The following GUCD1 variants were observed in gnomAD, a reference collection of about 807,000 sequenced individuals.
GUCD1 encodes protein GUCD1.
GUCD1 carries 17 observed loss-of-function variants against 28.3 expected under a neutral mutation model. The ratio of observed to expected loss-of-function variants is 0.60; its 90% CI spans 0.41 to 0.90. GUCD1 has a LOEUF of 0.90. GUCD1 is among the 40% of genes least tolerant of loss of function. The pLI is 0.00. For missense variants in GUCD1, 279 were observed against 305.5 expected, an observed-to-expected ratio of 0.91 and a Z score of 0.65; for synonymous variants, 129 against 123.3, an observed-to-expected ratio of 1.05 and a Z score of -0.30.
chr22:24,552,563 G>T (rs1244890334), intron 1 of GUCD1, among the ~76,000 whole-genome samples: 2 of 152,240 alleles, frequency 1.3e-5, no homozygotes, highest in Admixed American at 1.3e-4. Context: ...CTTGAGGTCA[G>T]AAGTTTGAGA....
chr22:24,544,677 C>A (rs943567059), intron 4 of GUCD1, among the ~76,000 whole-genome samples: 1 of 152,178 alleles, frequency 6.6e-6, no homozygotes. Context: ...GAAGGCACTG[C>A]CCCATCCTGT....
At chr22:24,544,274 G>GTGTGT (rs545827534) in intron 4 of GUCD1, among the ~76,000 whole-genome samples, 191 bp from the exon 5 acceptor site, 2 of 150,362 alleles carry the variant, frequency 1.3e-5, no homozygotes, top group African/African-American at 4.9e-5. Flanking sequence ...CGGTGGGGGG[G>GTGTGT]GTGTGTGTGT....
chr22:24,547,265 T>C, intron 3 of GUCD1: 2 of 470,422 alleles, frequency 4.3e-6, no homozygotes, highest in Non-Finnish European at 7.9e-6. Flanking sequence ...GTCAGCTCTC[T>C]GGGGAGGATC....
chr22:24,553,951 G>A (rs1029110191), intron 1 of GUCD1, among the ~76,000 whole-genome samples: 1 of 152,274 alleles, frequency 6.6e-6, no homozygotes, highest in Non-Finnish European at 1.5e-5. Context: ...TTGCTGCCTG[G>A]AGCCAAAGGG....
rs983715947 is a variant in GUCD1 at position 24,554,950 on chromosome 22, G to C, written c.42C>G (p.Pro14=). Residue 14 remains proline, a splice_region_variant and synonymous_variant, in exon 1 of 6, where the codon CCC becomes CCG. Transcript: ENST00000435822. The part of the protein sequence containing the change: ...EAEAAGPPLE[P]GDFVQLPVPV... ...CTGGGCCCACAGAGAGGCACTGACCGGGCTCGAGCGGCGGCCCCGCTGCCT... is the reference window on the plus strand; with the variant it reads ...CTGGGCCCACAGAGAGGCACTGACCCGGCTCGAGCGGCGGCCCCGCTGCCT... 1.9e-6 allele frequency: 3 copies of C among 1,571,216 alleles called. No individual in the cohort carries two copies. Among genetic ancestry groups the C allele is most frequent in the Admixed American group, 1.9e-5 (1 of 54,000 alleles).
In GUCD1 at chr22:24,552,271, G is replaced by A. The variant is rs563779212; in HGVS notation, c.43+2678C>T. Reference sequence around the variant, plus strand: ...GAGCCAAGGAGTTTCAGACCAGTTCGAGCAAAATAGTGAGACCTCCATCTC... The same window carrying A: ...GAGCCAAGGAGTTTCAGACCAGTTCAAGCAAAATAGTGAGACCTCCATCTC... On this transcript the variant is annotated intron_variant, in intron 1 of 5. Coordinates refer to ENST00000435822, the MANE Select transcript of GUCD1 (RefSeq NM_001284254.2). 7.2e-5 allele frequency among the ~76,000 whole-genome samples: 11 copies of A among 152,172 alleles called. No homozygotes were observed. In the South Asian group the frequency reaches 1.9e-3, roughly 26 times the overall value.
chr22:24,544,274 GGT>G lies in GUCD1; in HGVS notation c.387-193_387-192del, dbSNP rs1555889692. 5.6e-3 allele frequency among the ~76,000 whole-genome samples: 836 copies of G among 150,474 alleles called. 10 individuals are homozygous for G. Among genetic ancestry groups the G allele is most frequent in the African/African-American group, 0.019 (781 of 40,982 alleles). On this transcript the variant is annotated intron_variant, in intron 4 of 5. Coordinates refer to ENST00000435822, the MANE Select transcript of GUCD1 (RefSeq NM_001284254.2). Reference sequence around the variant, plus strand: ...AGCCAAGCAGGAGACCGGTGGGGGGGGTGTGTGTGTGTGTCTGAATGTGCACA... The same window carrying G: ...AGCCAAGCAGGAGACCGGTGGGGGGGGTGTGTGTGTGTCTGAATGTGCACA...
upstream of GUCD1, chr22:24,555,492 C>A: frequency 3.2e-6 from 4 of 1,248,476 alleles, no homozygotes; most frequent in Non-Finnish European, 4.5e-6. Context: ...CCAGTGCATC[C>A]CCGAGGCCCC....
At chr22:24,555,177 GA>G (rs2045016859), upstream of GUCD1, 1 of 1,297,948 alleles carries the variant, frequency 7.7e-7, no homozygotes, top group African/African-American at 1.5e-5. Flanking sequence ...TCCAGGTCTC[GA>G]ATCTGGAGGC....
At chr22:24,555,627 G>A (rs1286647647), upstream of GUCD1, 1 of 1,550,664 alleles carries the variant, frequency 6.4e-7, no homozygotes, top group South Asian at 1.2e-5. Flanking sequence ...GGCGGTGCCG[G>A]GATCAACAAA....
intron 4 of GUCD1, among the ~76,000 whole-genome samples, chr22:24,545,664 C>T (rs2044706716): frequency 1.3e-5 from 2 of 151,758 alleles, no homozygotes; most frequent in Admixed American, 1.3e-4. Context: ...AGTGCAGTGG[C>T]GCGATCTCGG....
chr22:24,554,963 G>T lies in GUCD1; in HGVS notation c.29C>A (p.Pro10Gln), dbSNP rs775304926. 5 of 1,565,898 alleles carry T rather than the reference G, an allele frequency of 3.2e-6. No individual in the cohort carries two copies. The highest frequency in any genetic ancestry group is 1.4e-5 in the African/African-American group (1 of 70,266). ...GAGGCACTGACCGGGCTCGAGCGGCGGCCCCGCTGCCTCCGCCTCCGTCCT... is the reference window on the plus strand; with the variant it reads ...GAGGCACTGACCGGGCTCGAGCGGCTGCCCCGCTGCCTCCGCCTCCGTCCT... The part of the protein sequence containing the change: MRTEAEAAG[P>Q]PLEPGDFVQL... Residue 10 changes from proline to glutamine, a missense_variant, in exon 1 of 6, where the codon CCG (proline) becomes CAG (glutamine). Transcript: ENST00000435822.
chr22:24,550,361 T>TG (rs2044840123), intron 1 of GUCD1, among the ~76,000 whole-genome samples: 1 of 151,704 alleles, frequency 6.6e-6, no homozygotes, highest in South Asian at 2.1e-4. Context: ...GGGAAAACAG[T>TG]GGGGGTGTGC....
At chr22:24,545,988 G>A (rs2044716221) in intron 4 of GUCD1, among the ~76,000 whole-genome samples, 1 of 150,858 alleles carries the variant, frequency 6.6e-6, no homozygotes, top group Admixed American at 6.6e-5. Flanking sequence ...TTCAGACAGA[G>A]TCTCGCTCTG....
At chr22:24,554,535 G>T (rs1299133493) in intron 1 of GUCD1, among the ~76,000 whole-genome samples, 1 of 152,220 alleles carries the variant, frequency 6.6e-6, no homozygotes, top group East Asian at 1.9e-4. Context: ...CCCCAAAGGG[G>T]CTCAGGCTAC....
chr22:24,554,427 C>T (rs2044973205), intron 1 of GUCD1, among the ~76,000 whole-genome samples: 1 of 152,234 alleles, frequency 6.6e-6, no homozygotes, highest in Admixed American at 6.5e-5. Context: ...TCATCAACCC[C>T]GCGCCTTCAG....
intron 1 of GUCD1, 71 bp from the exon 2 acceptor site, chr22:24,549,072 G>C (rs1174158457): frequency 4.5e-5 from 48 of 1,076,244 alleles, no homozygotes; most frequent in Non-Finnish European, 6.5e-5. Flanking sequence ...ATGGGAGCCA[G>C]TGTCACTGCC....
In GUCD1 at chr22:24,547,644, T is replaced by G. The variant is rs1425700484; in HGVS notation, c.294+264A>C. On this transcript the variant is annotated intron_variant, in intron 3 of 5. Coordinates refer to ENST00000435822, the MANE Select transcript of GUCD1 (RefSeq NM_001284254.2). Reference sequence around the variant, plus strand: ...AACGTAGGAAGTGGCCTCTGCACATTCTGAGGGCTGTAGAAGGCAGGTGGA... The same window carrying G: ...AACGTAGGAAGTGGCCTCTGCACATGCTGAGGGCTGTAGAAGGCAGGTGGA... 5.8e-5 allele frequency: 26 copies of G among 451,358 alleles called. No homozygotes were observed. In the East Asian group the frequency reaches 8.7e-4, roughly 15 times the overall value. 28.0% of individuals were successfully genotyped at this position (451,358 alleles called of 1,614,324 possible).
Position 24,548,961 on chromosome 22 carries a change from G to A in GUCD1, c.84C>T (p.Leu28=). The change falls in exon 2 of 6, where the codon CTC becomes CTT. Residue 28 remains leucine (L), a synonymous_variant. Transcript: ENST00000435822. ...AGGCCAGGCCACAGTCCCAGTGGTA[G>A]AGCTGCTGGATGACGGGCACAGGCA... ...VQLPVPVIQQ[L]YHWDCGLACS... is the part of the protein sequence containing the mutation. The A allele has an allele frequency of 1.3e-6, 2 of 1,586,806 alleles. No individual in the cohort carries two copies. The highest frequency in any genetic ancestry group is 8.6e-7 in the Non-Finnish European group (1 of 1,166,488).
Sources: allele counts gnomAD v4.1 joint callset (sites outside exome capture counted in the v4.1 genomes callset), GRCh38; gene constraint gnomAD v4.1.1; transcripts MANE v1.5; gene names NCBI Gene and HGNC (gene_info 2026-07-23, HGNC 2026-07-21).